MAP2K1: variants seen among roughly 807,000 people sequenced by gnomAD.
MAP2K1 encodes the protein dual specificity mitogen-activated protein kinase kinase 1.
A neutral mutation model predicts 46.3 loss-of-function variants in MAP2K1; 16 were observed. The ratio of observed to expected loss-of-function variants is 0.35; its 90% CI spans 0.23 to 0.52. MAP2K1 has a LOEUF of 0.52. Ranked by LOEUF, MAP2K1 falls within the 20% of genes least tolerant of loss-of-function variation. The pLI is 0.94. For missense variants in MAP2K1, 263 were observed against 497.1 expected (o/e 0.53, Z 4.48); for synonymous variants, 183 against 185.6 (o/e 0.99, Z 0.11).
intron 6 of MAP2K1, among the ~76,000 whole-genome samples, chr15:66,482,794 G>A (rs1204815237): frequency 6.6e-6 from 1 of 152,168 alleles, no homozygotes; most frequent in Non-Finnish European, 1.5e-5. Flanking sequence ...TTGGAAAGGT[G>A]GAAACGTGAG....
intron 1 of MAP2K1, among the ~76,000 whole-genome samples, chr15:66,407,458 G>A (rs2093400385): frequency 6.6e-6 from 1 of 152,118 alleles, no homozygotes; most frequent in African/African-American, 2.4e-5. Flanking sequence ...CTCTTTTCCT[G>A]GTCAACCTGT....
At chr15:66,425,370 T>G (rs1179367184) in intron 1 of MAP2K1, among the ~76,000 whole-genome samples, 1 of 151,874 alleles carries the variant, frequency 6.6e-6, no homozygotes, top group Non-Finnish European at 1.5e-5. Flanking sequence ...TGTGCTTCAC[T>G]CAATTTAGCA....
At chr15:66,420,392 C>T (rs1328095648) in intron 1 of MAP2K1, among the ~76,000 whole-genome samples, 1 of 151,806 alleles carries the variant, frequency 6.6e-6, no homozygotes, top group Non-Finnish European at 1.5e-5. Flanking sequence ...CATGGCGAAA[C>T]CCAGTCTCTA....
At chr15:66,433,797 G>T (rs1281482557) in intron 1 of MAP2K1, among the ~76,000 whole-genome samples, 1 of 152,146 alleles carries the variant, frequency 6.6e-6, no homozygotes, top group Non-Finnish European at 1.5e-5. Flanking sequence ...TCACTGACAT[G>T]CTTCACCTCC....
intron 5 of MAP2K1, among the ~76,000 whole-genome samples, chr15:66,474,236 A>G (rs948843181): frequency 2.0e-5 from 3 of 152,120 alleles, no homozygotes; most frequent in Admixed American, 2.0e-4. Flanking sequence ...CTTGAAAGTG[A>G]GGGAGATAAA....
chr15:66,482,964 G>A (rs1410819659), intron 6 of MAP2K1, among the ~76,000 whole-genome samples: 1 of 152,134 alleles, frequency 6.6e-6, no homozygotes, highest in Admixed American at 6.5e-5. Flanking sequence ...CTCTGTCAAA[G>A]CACATGTCAT....
At chr15:66,459,276 A>G (rs1278008942) in intron 5 of MAP2K1, among the ~76,000 whole-genome samples, 2 of 137,842 alleles carry the variant, frequency 1.5e-5, no homozygotes, top group African/African-American at 5.6e-5. Flanking sequence ...TCGCCACTGC[A>G]CTCCAGCTTG....
intron 5 of MAP2K1, among the ~76,000 whole-genome samples, chr15:66,480,720 TA>T (rs1288308302): frequency 6.6e-6 from 1 of 152,128 alleles, no homozygotes; most frequent in African/African-American, 2.4e-5. Flanking sequence ...ATATTATGAC[TA>T]TTAATATAGA....
At chr15:66,437,274 C>G (rs2093490830) in intron 3 of MAP2K1, among the ~76,000 whole-genome samples, 1 of 152,156 alleles carries the variant, frequency 6.6e-6, no homozygotes, top group South Asian at 2.1e-4. Context: ...ATGACATAAT[C>G]TACTGTAAGG....
At chr15:66,420,757 G>A (rs373355446) in intron 1 of MAP2K1, among the ~76,000 whole-genome samples, 771 of 20,120 alleles carry the variant, frequency 0.038, 89 homozygotes, top group African/African-American at 0.059. Context: ...GTGTGTGTGT[G>A]TGTATGTGTG....
At chr15:66,445,371 G>A (rs533013018) in intron 5 of MAP2K1, among the ~76,000 whole-genome samples, 1 of 152,216 alleles carries the variant, frequency 6.6e-6, no homozygotes, top group Admixed American at 6.5e-5. Flanking sequence ...CAGCCTGGGT[G>A]GCACAGCGAG....
At chr15:66,489,469 T>C in intron 9 of MAP2K1, 193 bp downstream of exon 9, 3 of 676,844 alleles carry the variant, frequency 4.4e-6, no homozygotes, top group Admixed American at 4.7e-5. Context: ...AACTACATCA[T>C]GGATGTAGTA....
chr15:66,455,085 A>T (rs370804981), intron 5 of MAP2K1, among the ~76,000 whole-genome samples: 1 of 152,158 alleles, frequency 6.6e-6, no homozygotes, highest in Non-Finnish European at 1.5e-5. Flanking sequence ...AGCCTTATTT[A>T]GGGGGTAGGC....
At chr15:66,489,580 G>A (rs1435026959) in intron 9 of MAP2K1, 138 bp from the exon 10 acceptor site, 1 of 798,650 alleles carries the variant, frequency 1.3e-6, no homozygotes, top group African/African-American at 1.7e-5. Context: ...GCATGATACT[G>A]TGCTTAGAAC....
rs1891968544 is a variant in MAP2K1, at chr15:66,449,215, A to G, written c.568+4508A>G. ...GCAGCTTTATTTATAATTGCCCAAAATTAGAAGCAACAAAAATATTATTAT... is the reference window on the plus strand; with the variant it reads ...GCAGCTTTATTTATAATTGCCCAAAGTTAGAAGCAACAAAAATATTATTAT... On this transcript the variant is annotated intron_variant, in intron 5 of 10. Transcript: ENST00000307102. Among the ~76,000 whole-genome samples, 5 of 152,208 alleles carry G rather than the reference A, an allele frequency of 3.3e-5. No individual in the cohort carries two copies. The South Asian group carries it at 6.2e-4, about 19-fold the overall frequency.
chr15:66,445,159 G>GA (rs1266795012), intron 5 of MAP2K1, among the ~76,000 whole-genome samples: 1 of 151,534 alleles, frequency 6.6e-6, no homozygotes, highest in African/African-American at 2.4e-5. Flanking sequence ...GGGGGAGGTG[G>GA]GGGGGTGGAT....
intron 1 of MAP2K1, among the ~76,000 whole-genome samples, chr15:66,414,206 C>T (rs759786055): frequency 4.2e-5 from 5 of 118,478 alleles, no homozygotes; most frequent in Non-Finnish European, 8.1e-5. Flanking sequence ...CAGAGTCAGG[C>T]AGACCTCATA....
intron 1 of MAP2K1, among the ~76,000 whole-genome samples, chr15:66,421,042 TTA>T (rs1428427846): frequency 6.8e-6 from 1 of 147,412 alleles, no homozygotes; most frequent in Non-Finnish European, 1.5e-5. Context: ...ATGTACAATT[TTA>T]TATATATGTA....
chr15:66,446,639 A>T, intron 5 of MAP2K1: 1 of 382,648 alleles, frequency 2.6e-6, no homozygotes, highest in South Asian at 2.2e-5. Context: ...TTGTATACAT[A>T]AGCACATCTC....
Sources: allele counts gnomAD v4.1 joint callset (sites outside exome capture counted in the v4.1 genomes callset), GRCh38; gene constraint gnomAD v4.1.1; transcripts MANE v1.5; gene names NCBI Gene and HGNC (gene_info 2026-07-23, HGNC 2026-07-21).